TENM2: variants seen among roughly 807,000 people sequenced by gnomAD.
TENM2 encodes teneurin-2.
In TENM2, 52 loss-of-function variants were observed where a neutral mutation model predicts 245.2. The observed-to-expected ratio is 0.21, with a 90% confidence interval of 0.17 to 0.27. TENM2 has a LOEUF of 0.27. Among genes scored for constraint, TENM2 ranks in the 10% least tolerant of loss-of-function variants. The probability of loss-of-function intolerance (pLI) is 1.00; values close to 1 mark genes in which losing one functional copy is unlikely to be tolerated. For synonymous variants in TENM2, 1,363 were observed against 1,438.9 expected, an observed-to-expected ratio of 0.95 and a Z score of 1.19; for missense variants, 3,046 against 3,666.8, an observed-to-expected ratio of 0.83 and a Z score of 4.37.
intron 2 of TENM2, among the ~76,000 whole-genome samples, chr5:167,724,254 G>A (rs1759833882): frequency 6.6e-6 from 1 of 151,384 alleles, no homozygotes; most frequent in Non-Finnish European, 1.5e-5. Context: ...CTTGTAAATG[G>A]TTTTGGAAAA....
chr5:168,126,115 C>T (rs1047362275), intron 11 of TENM2, among the ~76,000 whole-genome samples: 4 of 152,326 alleles, frequency 2.6e-5, no homozygotes, highest in South Asian at 4.1e-4. Flanking sequence ...ACTTTGAGCT[C>T]CTTTGAGAAA....
In TENM2 at chr5:167,608,107, T is replaced by C. The variant is rs143056003; in HGVS notation, c.502+232634T>C. 8.0e-3 allele frequency among the ~76,000 whole-genome samples: 1,216 copies of C among 152,260 alleles called. 17 individuals carry two copies. Among genetic ancestry groups the C allele is most frequent in the African/African-American group, 0.028 (1,150 of 41,562 alleles). ...GAAGGTCATGCTATAAAACTAAAAG[T>C]CATATCACCCAATGTCGCGCTAATG... On this transcript the variant is annotated intron_variant, in intron 2 of 28. Coordinates refer to ENST00000518659, the Ensembl canonical transcript of TENM2.
chr5:167,190,161 A>T, the TENM2 span, among the ~76,000 whole-genome samples: 2 of 152,120 alleles, frequency 1.3e-5, no homozygotes, highest in Admixed American at 1.3e-4. Flanking sequence ...TTGGAGAGTC[A>T]CAGCCCTCCA....
the TENM2 span, among the ~76,000 whole-genome samples, chr5:167,045,120 A>G: frequency 6.6e-6 from 1 of 152,192 alleles, no homozygotes; most frequent in African/African-American, 2.4e-5. Context: ...TGCATTTGAC[A>G]AGGAAGAAGA....
At chr5:168,219,824 C>CAAAAAA (rs70976468) in intron 23 of TENM2, among the ~76,000 whole-genome samples, 2,369 of 49,706 alleles carry the variant, frequency 0.048, 245 homozygotes, top group East Asian at 0.14. Context: ...GTTGGCACAG[C>CAAAAAA]AAAAAAAAAA....
chr5:168,109,434 C>T (rs767262819), intron 9 of TENM2, among the ~76,000 whole-genome samples: 1 of 152,238 alleles, frequency 6.6e-6, no homozygotes, highest in Non-Finnish European at 1.5e-5. Flanking sequence ...CTCCGTTTCA[C>T]AGCTAAAGAA....
At chr5:167,500,208 G>A (rs1769118853) in intron 2 of TENM2, among the ~76,000 whole-genome samples, 1 of 152,056 alleles carries the variant, frequency 6.6e-6, no homozygotes, top group South Asian at 2.1e-4. Flanking sequence ...CAAAGCCTGA[G>A]AGCAGACGTG....
At chr5:167,139,663 AG>A in the TENM2 span, among the ~76,000 whole-genome samples, 1 of 152,230 alleles carries the variant, frequency 6.6e-6, no homozygotes, top group East Asian at 1.9e-4. Context: ...TTTGTCATAC[AG>A]AAAATTTTAC....
chr5:168,085,350 A>G (rs1562139425), intron 7 of TENM2: 2 of 152,160 alleles, frequency 1.3e-5, no homozygotes, highest in Non-Finnish European at 1.5e-5. Context: ...TTTCCTCTGT[A>G]GCTTCCATCT....
intron 2 of TENM2, among the ~76,000 whole-genome samples, chr5:167,446,095 A>AGCC: frequency 6.6e-6 from 1 of 152,190 alleles, no homozygotes; most frequent in South Asian, 2.1e-4. Context: ...TTTCCGGGTA[A>AGCC]TCACTTGTTG....
chr5:167,404,702 C>T (rs556694775), intron 2 of TENM2, among the ~76,000 whole-genome samples: 2 of 152,258 alleles, frequency 1.3e-5, no homozygotes, highest in South Asian at 2.1e-4. Context: ...GCGTGTTGGT[C>T]ATCTCTTTCT....
chr5:168,192,359 C>G (rs1408868924), intron 14 of TENM2, among the ~76,000 whole-genome samples: 1 of 152,120 alleles, frequency 6.6e-6, no homozygotes, highest in Non-Finnish European at 1.5e-5. Flanking sequence ...TTTTACCCAC[C>G]ACCATCATTC....
chr5:167,812,381 T>G (rs1042824642), intron 2 of TENM2, among the ~76,000 whole-genome samples: 8 of 152,178 alleles, frequency 5.3e-5, no homozygotes, highest in Admixed American at 4.6e-4. Flanking sequence ...TAGACCTGGC[T>G]TGAAGACAAT....
At chr5:167,984,723 TAAAG>T (rs1436810147) in intron 4 of TENM2, among the ~76,000 whole-genome samples, 2 of 152,184 alleles carry the variant, frequency 1.3e-5, no homozygotes, top group African/African-American at 4.8e-5. Flanking sequence ...AACAGGAAAA[TAAAG>T]ACAGAACGCT....
intron 1 of TENM2, among the ~76,000 whole-genome samples, chr5:167,291,305 C>CAAAAAAA (rs1233364213): frequency 6.6e-6 from 1 of 152,144 alleles, no homozygotes; most frequent in Non-Finnish European, 1.5e-5. Flanking sequence ...CATTTACAAA[C>CAAAAAAA]AATAGTATCC....
chr5:167,158,885 TTCCTTCCTTCCTTCCTTC>T, the TENM2 span, among the ~76,000 whole-genome samples: 1 of 145,224 alleles, frequency 6.9e-6, no homozygotes, highest in African/African-American at 2.6e-5. Context: ...CCTTCCTTCC[TTCCTTCCTTCCTTCCTTC>T]CTTCCTCTTC....
At chr5:167,904,047 A>G (rs952801582) in intron 3 of TENM2, among the ~76,000 whole-genome samples, 11 of 152,250 alleles carry the variant, frequency 7.2e-5, no homozygotes, top group Non-Finnish European at 1.6e-4. Context: ...ACCAGATGAC[A>G]GAGAATTTCC....
chr5:167,063,345 C>T, the TENM2 span, among the ~76,000 whole-genome samples: 1 of 152,114 alleles, frequency 6.6e-6, no homozygotes, highest in Non-Finnish European at 1.5e-5. Context: ...ACACACAGTT[C>T]CAGGAGTTGC....
chr5:168,104,952 G>C (rs527886116), intron 9 of TENM2, among the ~76,000 whole-genome samples: 48 of 152,258 alleles, frequency 3.2e-4, no homozygotes, highest in African/African-American at 1.2e-3. Context: ...AGGAGCGAGG[G>C]AACCACAGGC....
Sources: gnomAD v4.1 joint callset for allele counts (sites outside exome capture counted in the v4.1 genomes callset) on GRCh38, gnomAD v4.1.1 for gene constraint, MANE v1.5 for transcripts, NCBI Gene and HGNC (gene_info 2026-07-23, HGNC 2026-07-21) for gene names.